The following EXOC4 variants were observed in gnomAD, a reference collection of about 807,000 sequenced individuals.
EXOC4 encodes the protein exocyst complex component 4.
A neutral mutation model predicts 107.2 loss-of-function variants in EXOC4; 71 were observed. That is an observed-to-expected ratio of 0.66 (90% CI 0.55 to 0.81). The LOEUF (loss-of-function observed/expected upper bound fraction) is 0.81, where lower values mean the gene tolerates loss of function less well. Ranked by LOEUF, EXOC4 falls within the 30% of genes least tolerant of loss-of-function variation. The probability of loss-of-function intolerance (pLI) is 0.00; values close to 1 mark genes in which losing one functional copy is unlikely to be tolerated. For synonymous variants in EXOC4, 456 were observed against 441.2 expected, an observed-to-expected ratio of 1.03 and a Z score of -0.42; for missense variants, 1,108 against 1,189.6, an observed-to-expected ratio of 0.93 and a Z score of 1.01.
intron 17 of EXOC4, among the ~76,000 whole-genome samples, chr7:134,018,498 A>G (rs1340831183): frequency 6.6e-6 from 1 of 152,174 alleles, no homozygotes; most frequent in Admixed American, 6.5e-5. Flanking sequence ...AAAAGATCAG[A>G]GTACTGAAGG....
chr7:133,422,418 T>C (rs907431506), intron 7 of EXOC4, among the ~76,000 whole-genome samples: 3 of 152,208 alleles, frequency 2.0e-5, no homozygotes, highest in African/African-American at 7.2e-5. Flanking sequence ...AAAGGGTACT[T>C]ATATACCTTA....
chr7:134,042,976 G>A (rs533016134), intron 17 of EXOC4, among the ~76,000 whole-genome samples: 20 of 152,332 alleles, frequency 1.3e-4, no homozygotes, highest in African/African-American at 3.6e-4. Context: ...GGGAGGTGGA[G>A]GTTGCAGTTA....
rs562979177 is a variant in EXOC4 at position 134,022,633 on chromosome 7, T to C, written c.2687+14798T>C. Among the ~76,000 whole-genome samples the C allele has an allele frequency of 3.4e-4, 52 of 152,314 alleles. No individual in the cohort carries two copies. In the Middle Eastern group the frequency reaches 0.017, roughly 50 times the overall value. ...CTGGGGTTCTTGCCTTCCAGTAAGA[T>C]CTGTAAAGATCTGCCTGGATAATAC... On this transcript the variant is annotated intron_variant, in intron 17 of 17. Coordinates refer to ENST00000253861, the MANE Select transcript of EXOC4 (RefSeq NM_021807.4).
chr7:133,600,934 A>T (rs920665310), intron 9 of EXOC4, among the ~76,000 whole-genome samples: 1 of 152,200 alleles, frequency 6.6e-6, no homozygotes, highest in African/African-American at 2.4e-5. Flanking sequence ...TGTATAGATT[A>T]TGCTAAGAAA....
At chr7:134,062,094 C>A (rs867744467) in intron 17 of EXOC4, among the ~76,000 whole-genome samples, 6 of 152,176 alleles carry the variant, frequency 3.9e-5, no homozygotes, top group African/African-American at 1.4e-4. Flanking sequence ...CCAAAATGAA[C>A]ACTCGTTTAA....
intron 10 of EXOC4, among the ~76,000 whole-genome samples, chr7:133,773,952 A>G (rs1345659005): frequency 6.6e-6 from 1 of 152,070 alleles, no homozygotes; most frequent in African/African-American, 2.4e-5. Context: ...CTGGTTTTGT[A>G]TTAGGCCGTT....
chr7:133,413,682 G>C (rs1445438375), intron 7 of EXOC4, among the ~76,000 whole-genome samples: 1 of 152,112 alleles, frequency 6.6e-6, no homozygotes, highest in East Asian at 1.9e-4. Flanking sequence ...AATCTTCGAA[G>C]GGTTTTAAAT....
rs79035856 is a variant in EXOC4 at position 133,695,772 on chromosome 7, C to T, written c.1514+65631C>T. The stretch of plus-strand genomic sequence containing the variant: ...ATTGATGTTCATTGAGTTGTCTCAG[C>T]AATTTACAAATTTGAAATGGAATTC... On this transcript the variant is annotated intron_variant, in intron 10 of 17. Coordinates refer to ENST00000253861, the MANE Select transcript of EXOC4 (RefSeq NM_021807.4). Among the ~76,000 whole-genome samples the T allele has an allele frequency of 4.2e-3, 634 of 152,188 alleles. 6 individuals are homozygous for T. Among genetic ancestry groups the T allele is most frequent in the Middle Eastern group, 0.017 (5 of 294 alleles).
chr7:134,056,116 T>C (rs1255161097), intron 17 of EXOC4, among the ~76,000 whole-genome samples: 1 of 152,202 alleles, frequency 6.6e-6, no homozygotes, highest in Non-Finnish European at 1.5e-5. Flanking sequence ...TTAAATGATA[T>C]GTAGCTTTGT....
chr7:133,370,126 CT>C (rs1201446196), intron 6 of EXOC4, among the ~76,000 whole-genome samples: 1 of 143,772 alleles, frequency 7.0e-6, no homozygotes, highest in African/African-American at 2.6e-5. Context: ...TTAATTCTCT[CT>C]CCCCCCCGCC....
intron 2 of EXOC4, among the ~76,000 whole-genome samples, chr7:133,283,644 G>A (rs1038726467): frequency 3.9e-5 from 6 of 152,002 alleles, no homozygotes; most frequent in African/African-American, 1.5e-4. Context: ...TATAGTTTAC[G>A]TACAGTAAAA....
chr7:133,650,607 T>G (rs1439185668), intron 10 of EXOC4, among the ~76,000 whole-genome samples: 1 of 152,182 alleles, frequency 6.6e-6, no homozygotes, highest in Non-Finnish European at 1.5e-5. Context: ...ATGGAGTAGC[T>G]GTTTCAAGGT....
Position 133,475,349 on chromosome 7 carries a change from G to C in EXOC4, c.1204G>C (p.Asp402His). The C allele has an allele frequency of 6.2e-7, 1 of 1,613,372 alleles. No homozygotes were observed. The highest frequency in any genetic ancestry group is 8.5e-7 in the Non-Finnish European group (1 of 1,179,442). Residue 402 changes from aspartate to histidine, a missense_variant, in exon 8 of 18, where the codon GAT (aspartate) becomes CAT (histidine). Physicochemically the swap from Asp to His is moderately conservative, Grantham distance 81. Coordinates refer to ENST00000253861, the MANE Select transcript of EXOC4 (RefSeq NM_021807.4). ...ACAGATGCTATTAACTGAGTACTTG[G>C]ATATGAAAAATACTCGTACGGCCTC... ...VLQMLLTEYL[D>H]MKNTRTASEP...
chr7:133,412,752 A>G (rs56063544), intron 7 of EXOC4, among the ~76,000 whole-genome samples: 165 of 152,230 alleles, frequency 1.1e-3, no homozygotes, highest in Non-Finnish European at 2.0e-3. Context: ...ATCATAGAGA[A>G]GTTTTTCATA....
chr7:133,620,587 A>G (rs1178744218), intron 9 of EXOC4, among the ~76,000 whole-genome samples: 2 of 152,218 alleles, frequency 1.3e-5, no homozygotes, highest in African/African-American at 4.8e-5. Flanking sequence ...GATAAATTAA[A>G]TGTGGTGTAT....
intron 17 of EXOC4, among the ~76,000 whole-genome samples, chr7:134,025,407 C>T (rs1795118128): frequency 1.3e-5 from 2 of 152,232 alleles, no homozygotes; most frequent in Non-Finnish European, 2.9e-5. Context: ...TGGATCTACA[C>T]ATTTGTTTCC....
chr7:134,021,141 G>A (rs1006187504), intron 17 of EXOC4, among the ~76,000 whole-genome samples: 3 of 152,142 alleles, frequency 2.0e-5, no homozygotes, highest in Admixed American at 6.5e-5. Context: ...ACTATCACAG[G>A]AAAGCTATCT....
At chr7:133,407,109 A>G (rs1797237786) in intron 7 of EXOC4, among the ~76,000 whole-genome samples, 1 of 152,082 alleles carries the variant, frequency 6.6e-6, no homozygotes, top group Non-Finnish European at 1.5e-5. Flanking sequence ...TGTCGGTTTA[A>G]TCAGAATCCA....
At chr7:133,279,904 T>C (rs1794092385) in intron 2 of EXOC4, among the ~76,000 whole-genome samples, 1 of 152,194 alleles carries the variant, frequency 6.6e-6, no homozygotes, top group Non-Finnish European at 1.5e-5. Flanking sequence ...AAAAGTGAGC[T>C]GACAGATGGA....
Sources: allele counts gnomAD v4.1 joint callset (sites outside exome capture counted in the v4.1 genomes callset), GRCh38; gene constraint gnomAD v4.1.1; transcripts MANE v1.5; gene names NCBI Gene and HGNC (gene_info 2026-07-23, HGNC 2026-07-21).